RAB31: variants seen among roughly 807,000 people sequenced by gnomAD.
RAB31 encodes RAB31, member RAS oncogene family.
A neutral mutation model predicts 25.6 loss-of-function variants in RAB31; 21 were observed. The observed-to-expected ratio is 0.82, with a 90% confidence interval of 0.58 to 1.18. The LOEUF (loss-of-function observed/expected upper bound fraction) is 1.18. Among genes scored for constraint, RAB31 ranks in the 50% most tolerant of loss-of-function variants. The pLI is 0.00. For missense variants in RAB31, 196 were observed against 250.1 expected (o/e 0.78, Z 1.46); for synonymous variants, 87 against 84.0 (o/e 1.04, Z -0.20).
At position 9,766,952 on chromosome 18, in the gene RAB31, G is replaced by A. The variant is rs1403648610; in HGVS notation, c.40-8326G>A. On this transcript the variant is annotated intron_variant, in intron 1 of 6. Coordinates refer to ENST00000578921, the MANE Select transcript of RAB31 (RefSeq NM_006868.4). The surrounding 1 kb of genome is among the most constrained non-coding windows in gnomAD (Gnocchi z 4.3). ...AGCCTGGGTGACAGAGTGAGATCTT[G>A]TCTCAAAACAAACAAACAAAACCCC... Among the ~76,000 whole-genome samples the A allele has an allele frequency of 6.6e-6, 1 of 152,080 alleles. No homozygotes were observed.
At chr18:9,775,194 C>T (rs2068365598) in intron 1 of RAB31, 84 bp from the exon 2 acceptor site, 2 of 1,597,648 alleles carry the variant, frequency 1.3e-6, no homozygotes, top group East Asian at 4.5e-5. Flanking sequence ...GTCGTGTCCT[C>T]TGGTAATCTG....
intron 3 of RAB31, among the ~76,000 whole-genome samples, chr18:9,802,430 T>G (rs2068518655): frequency 6.6e-6 from 1 of 152,186 alleles, no homozygotes; most frequent in Admixed American, 6.5e-5. Flanking sequence ...ATCCCAGTAC[T>G]TTGGGAGGCC....
chr18:9,817,239 C>T (rs956660952), intron 5 of RAB31, among the ~76,000 whole-genome samples: 7 of 152,020 alleles, frequency 4.6e-5, no homozygotes, highest in African/African-American at 9.7e-5. Context: ...GACTAATGTG[C>T]GCCTTTAAGT....
At chr18:9,793,534 C>T (rs796551521) in intron 3 of RAB31, among the ~76,000 whole-genome samples, 3 of 151,964 alleles carry the variant, frequency 2.0e-5, no homozygotes, top group African/African-American at 7.2e-5. Flanking sequence ...TGGTGGTGGG[C>T]ATCTGTAGTC....
At chr18:9,799,503 T>G (rs1374075377) in intron 3 of RAB31, among the ~76,000 whole-genome samples, 2 of 152,164 alleles carry the variant, frequency 1.3e-5, no homozygotes, top group African/African-American at 4.8e-5. Context: ...TTATTTTTAT[T>G]TATTTATTTT....
At chr18:9,725,094 G>C (rs2068090968) in intron 1 of RAB31, among the ~76,000 whole-genome samples, 1 of 152,200 alleles carries the variant, frequency 6.6e-6, no homozygotes, top group Non-Finnish European at 1.5e-5. Context: ...AGGGTGGCCA[G>C]TCTTGTCATA....
At chr18:9,791,899 GGCCA>G (rs2068462415) in intron 2 of RAB31, among the ~76,000 whole-genome samples, 1 of 152,162 alleles carries the variant, frequency 6.6e-6, no homozygotes, top group Non-Finnish European at 1.5e-5. Context: ...CACCGCGCCT[GGCCA>G]GAAACAGTCT....
intron 1 of RAB31, among the ~76,000 whole-genome samples, chr18:9,769,076 C>T (rs2068330981): frequency 6.6e-6 from 1 of 152,144 alleles, no homozygotes; most frequent in African/African-American, 2.4e-5. Context: ...ATACCAGTAC[C>T]ATGCTGTTTT....
rs569584344 is a variant in RAB31, at chr18:9,850,451, C to T, written c.490+4760C>T. ...GTTTGTGGATTTTAATTACTTAACT[C>T]GAATATCTCTTTAAAAGTATTTTAA... On this transcript the variant is annotated intron_variant, in intron 6 of 6. Coordinates refer to ENST00000578921, the MANE Select transcript of RAB31 (RefSeq NM_006868.4). Among the ~76,000 whole-genome samples, 7 of 152,118 alleles carry T rather than the reference C, an allele frequency of 4.6e-5. No individual in the cohort carries two copies. In the South Asian group the frequency reaches 1.2e-3, roughly 27 times the overall value.
At chr18:9,800,117 C>T (rs966655694) in intron 3 of RAB31, among the ~76,000 whole-genome samples, 5 of 152,168 alleles carry the variant, frequency 3.3e-5, no homozygotes, top group South Asian at 2.1e-4. Context: ...CAGCTCCCTG[C>T]GGGAGCCTAG....
intron 1 of RAB31, chr18:9,758,000 T>C (rs1427053161): frequency 6.6e-6 from 1 of 152,286 alleles, no homozygotes; most frequent in Admixed American, 6.5e-5. Context: ...TTACCGTAAA[T>C]CTTGCTGTAA....
intron 1 of RAB31, among the ~76,000 whole-genome samples, chr18:9,728,632 G>A (rs2068106669): frequency 6.6e-6 from 1 of 152,126 alleles, no homozygotes. Context: ...CTGCCTCCCA[G>A]GTTCTAGCGA....
chr18:9,713,631 A>T (rs2145452531), intron 1 of RAB31, among the ~76,000 whole-genome samples: 1 of 152,272 alleles, frequency 6.6e-6, no homozygotes, highest in South Asian at 2.1e-4. Context: ...AGTGTGTATC[A>T]GAATCATTTG....
chr18:9,761,480 A>G (rs953717790), intron 1 of RAB31, among the ~76,000 whole-genome samples: 3 of 152,222 alleles, frequency 2.0e-5, no homozygotes, highest in Non-Finnish European at 4.4e-5. Flanking sequence ...TTAAAACAAC[A>G]TGCACTGATT....
chr18:9,803,648 C>G (rs564025173), intron 3 of RAB31, among the ~76,000 whole-genome samples: 2 of 152,296 alleles, frequency 1.3e-5, no homozygotes, highest in East Asian at 3.9e-4. Flanking sequence ...AGGGCCATGC[C>G]TGCTGAGCTC....
At chr18:9,857,686 T>TGATA (rs3039678) in intron 6 of RAB31, among the ~76,000 whole-genome samples, 8,550 of 113,570 alleles carry the variant, frequency 0.075, 410 homozygotes, top group Middle Eastern at 0.1. Context: ...GATAGATAGA[T>TGATA]GATAGATAGA....
At position 9,826,846 on chromosome 18, in the gene RAB31, A is replaced by G. The variant is rs2068652290; in HGVS notation, c.380+11624A>G. Among the ~76,000 whole-genome samples, 11 of 122,088 alleles carry G rather than the reference A, an allele frequency of 9.0e-5. No homozygotes were observed. The Admixed American group carries it at 9.1e-4, about 10-fold the overall frequency. 80.1% of individuals were successfully genotyped at this position (122,088 alleles called of 152,430 possible). A position where few individuals can be genotyped will look rare whatever the true frequency, so the allele number is the denominator to read the frequency against. Reference sequence around the variant, plus strand: ...CCATTTGCTTTAGGGCCATGTGGCCAGGATCCTCCGCGAAGGAGGGAAGGT... The same window carrying G: ...CCATTTGCTTTAGGGCCATGTGGCCGGGATCCTCCGCGAAGGAGGGAAGGT... On this transcript the variant is annotated intron_variant, in intron 5 of 6. Transcript: ENST00000578921.
intron 5 of RAB31, among the ~76,000 whole-genome samples, chr18:9,825,630 A>C (rs376515581): frequency 6.6e-6 from 1 of 152,174 alleles, no homozygotes; most frequent in African/African-American, 2.4e-5. Context: ...ATTCTCGGAA[A>C]AGCATTGCTT....
chr18:9,800,467 C>T lies in RAB31; in HGVS notation c.201+8232C>T, dbSNP rs550165602. On this transcript the variant is annotated intron_variant, in intron 3 of 6. Transcript: ENST00000578921. Reference sequence around the variant, plus strand: ...ATTTATTCCTTCCTCTTGGCTCAGACGGCCCCTCCCCATGTTGGAAAATGG... The same window carrying T: ...ATTTATTCCTTCCTCTTGGCTCAGATGGCCCCTCCCCATGTTGGAAAATGG... 5.3e-5 allele frequency among the ~76,000 whole-genome samples: 8 copies of T among 152,312 alleles called. No individual in the cohort carries two copies. The South Asian group carries it at 6.2e-4, about 12-fold the overall frequency.
Sources: allele counts gnomAD v4.1 joint callset (sites outside exome capture counted in the v4.1 genomes callset), GRCh38; gene constraint gnomAD v4.1.1; non-coding constraint Gnocchi (gnomAD v3.1); transcripts MANE v1.5; gene names NCBI Gene and HGNC (gene_info 2026-07-23, HGNC 2026-07-21).